Variants in CCDC181 observed in about 807,000 individuals in gnomAD.
The protein encoded by CCDC181 is coiled-coil domain-containing protein 181.
Under a neutral mutation model 58.7 loss-of-function variants are expected in CCDC181, and 35 were observed. The observed-to-expected ratio is 0.60, with a 90% CI of 0.46 to 0.79. CCDC181 has a LOEUF of 0.79. CCDC181 is among the 30% of genes least tolerant of loss of function. The probability of loss-of-function intolerance (pLI) is 0.00; values close to 1 mark genes in which losing one functional copy is unlikely to be tolerated. For synonymous variants in CCDC181, 183 were observed against 197.5 expected, an observed-to-expected ratio of 0.93 and a Z score of 0.62; for missense variants, 517 against 583.9, an observed-to-expected ratio of 0.89 and a Z score of 1.18.
At chr1:169,438,229 C>T (rs995330563) in intron 2 of CCDC181, among the ~76,000 whole-genome samples, 15 of 151,932 alleles carry the variant, frequency 9.9e-5, no homozygotes, top group African/African-American at 3.6e-4. Flanking sequence ...TAATCAAACC[C>T]TTGCAGAGGA....
intron 2 of CCDC181, among the ~76,000 whole-genome samples, chr1:169,459,429 G>A (rs1332510202): frequency 6.6e-6 from 1 of 152,062 alleles, no homozygotes; most frequent in Non-Finnish European, 1.5e-5. Context: ...CAGAATCCCT[G>A]GCTCAATGCT....
chr1:169,399,746 G>A (rs1321991564), intron 4 of CCDC181, among the ~76,000 whole-genome samples: 3 of 152,144 alleles, frequency 2.0e-5, no homozygotes, highest in Non-Finnish European at 2.9e-5. Context: ...TAGCTATAAA[G>A]CTAGATAAAA....
intron 4 of CCDC181, among the ~76,000 whole-genome samples, chr1:169,397,893 G>A (rs547258451): frequency 4.3e-4 from 65 of 152,224 alleles, no homozygotes; most frequent in Non-Finnish European, 8.4e-4. Flanking sequence ...GAATGCAAAA[G>A]GAAAAGATAC....
rs1442839930 is a variant in CCDC181 at position 169,444,678 on chromosome 1, A to G, written c.-24+15119T>C. ...TTATCTTCACCTTTGCCTCTTGAAT[A>G]CCGCATGTCTTGTAGTGACAATCCA... On this transcript the variant is annotated intron_variant, in intron 2 of 6. Transcript: ENST00000545005. Among the ~76,000 whole-genome samples, 5 of 152,122 alleles carry G rather than the reference A, an allele frequency of 3.3e-5. No homozygotes were observed. In the East Asian group the frequency reaches 9.6e-4, roughly 29 times the overall value.
chr1:169,407,061 A>G (rs1280981974), intron 4 of CCDC181, among the ~76,000 whole-genome samples: 2 of 84,876 alleles, frequency 2.4e-5, no homozygotes, highest in East Asian at 1.9e-4. Flanking sequence ...GAGGCAGAAA[A>G]AAAAAAAAAA....
chr1:169,432,231 A>G (rs7522896), upstream of CCDC181, among the ~76,000 whole-genome samples: 40,338 of 152,072 alleles, frequency 0.27, 6,717 homozygotes, highest in Non-Finnish European at 0.38. Context: ...ATTCAAAAGC[A>G]TATTTGGTCA....
At chr1:169,397,688 G>A (rs1284994735) in intron 4 of CCDC181, among the ~76,000 whole-genome samples, 1 of 152,170 alleles carries the variant, frequency 6.6e-6, no homozygotes, top group Non-Finnish European at 1.5e-5. Context: ...TAGCAGCCAT[G>A]ATAATTTTAA....
At chr1:169,437,314 T>C (rs946060376) in intron 2 of CCDC181, among the ~76,000 whole-genome samples, 1 of 152,200 alleles carries the variant, frequency 6.6e-6, no homozygotes, top group African/African-American at 2.4e-5. Context: ...TTGTAGCCTC[T>C]AGCTGCATGA....
At chr1:169,449,614 C>G (rs1408248328) in intron 2 of CCDC181, among the ~76,000 whole-genome samples, 1 of 152,188 alleles carries the variant, frequency 6.6e-6, no homozygotes, top group Non-Finnish European at 1.5e-5. Context: ...CCTAAGAGCC[C>G]CTGGCAAACC....
intron 4 of CCDC181, among the ~76,000 whole-genome samples, chr1:169,404,541 C>T (rs1020949354): frequency 6.6e-6 from 1 of 152,224 alleles, no homozygotes; most frequent in African/African-American, 2.4e-5. Flanking sequence ...ATCATCTAAA[C>T]AGAACCAAAG....
chr1:169,421,131 C>G (rs1271165268), intron 3 of CCDC181, among the ~76,000 whole-genome samples: 2 of 152,204 alleles, frequency 1.3e-5, no homozygotes, highest in Admixed American at 1.3e-4. Flanking sequence ...TCACTGAGAT[C>G]TCCGCTAACA....
rs757347357 is a variant in CCDC181, at chr1:169,419,113, TTCTC to T, written c.1111_1114del (p.Glu371MetfsTer3). 2.5e-6 allele frequency: 4 copies of T among 1,610,788 alleles called. No individual in the cohort carries two copies. Among genetic ancestry groups the T allele is most frequent in the Admixed American group, 3.4e-5 (2 of 59,512 alleles). On this transcript the variant is annotated frameshift_variant, in exon 4 of 6. Coordinates refer to ENST00000367806, the MANE Select transcript of CCDC181 (RefSeq NM_001300969.2). LOFTEE classifies it high-confidence loss of function. Reference sequence around the variant, plus strand: ...CAACCACGCTTTAAATACTATGTCATTCTCTCTCTTTTTTTCTTTCTCTTCTTCT... The same window carrying T: ...CAACCACGCTTTAAATACTATGTCATTCTCTTTTTTTCTTTCTCTTCTTCT...
chr1:169,407,511 CTG>C (rs1410743107), intron 4 of CCDC181, among the ~76,000 whole-genome samples: 1 of 152,054 alleles, frequency 6.6e-6, no homozygotes, highest in Non-Finnish European at 1.5e-5. Flanking sequence ...ATAAAAAGGA[CTG>C]TTTTTTAAAT....
At chr1:169,440,704 G>T (rs1657198146) in intron 2 of CCDC181, among the ~76,000 whole-genome samples, 2 of 151,860 alleles carry the variant, frequency 1.3e-5, no homozygotes, top group South Asian at 4.2e-4. Flanking sequence ...ATTACTTGAG[G>T]CCAGGAATTC....
chr1:169,443,299 C>A (rs1452411129), intron 2 of CCDC181: 2 of 152,008 alleles, frequency 1.3e-5, no homozygotes, highest in Non-Finnish European at 2.9e-5. Flanking sequence ...ATGTGTTCAG[C>A]ACCTTTGAGC....
At chr1:169,422,951 G>A (rs1656548076) in intron 2 of CCDC181, among the ~76,000 whole-genome samples, 1 of 150,598 alleles carries the variant, frequency 6.6e-6, no homozygotes, top group Admixed American at 6.6e-5. Flanking sequence ...AATTCCACAT[G>A]AACCATAAAC....
chr1:169,413,552 A>G (rs1656072787), intron 4 of CCDC181, among the ~76,000 whole-genome samples: 1 of 152,344 alleles, frequency 6.6e-6, no homozygotes, highest in South Asian at 2.1e-4. Context: ...TTATTCTACT[A>G]TAAAGACACA....
intron 4 of CCDC181, among the ~76,000 whole-genome samples, chr1:169,408,820 A>T (rs1655808964): frequency 6.6e-6 from 1 of 152,228 alleles, no homozygotes; most frequent in Middle Eastern, 3.2e-3. Context: ...GAAAACTAAC[A>T]AACAGAAAGG....
At chr1:169,413,447 G>A (rs1345873519) in intron 4 of CCDC181, among the ~76,000 whole-genome samples, 1 of 152,142 alleles carries the variant, frequency 6.6e-6, no homozygotes, top group African/African-American at 2.4e-5. Context: ...AACCACTGTG[G>A]AAGACAGTGT....
Sources: gnomAD v4.1 joint callset for allele counts (sites outside exome capture counted in the v4.1 genomes callset) on GRCh38, gnomAD v4.1.1 for gene constraint, MANE v1.5 for transcripts, NCBI Gene and HGNC (gene_info 2026-07-23, HGNC 2026-07-21) for gene names.